The following UMAD1 variants were observed in gnomAD, a reference collection of about 807,000 sequenced individuals.
The protein encoded by UMAD1 is UBAP1-MVB12-associated (UMA)-domain containing protein 1.
In UMAD1, 8 loss-of-function variants were observed where a neutral mutation model predicts 6.1. The ratio of observed to expected loss-of-function variants is 1.30; its 90% CI spans 0.76 to 2.35. The LOEUF (loss-of-function observed/expected upper bound fraction) is 2.35, where lower values mean the gene tolerates loss of function less well. Ranked by LOEUF, UMAD1 falls within the 30% of genes most tolerant of loss-of-function variation. The pLI is 0.00. For synonymous variants in UMAD1, 56 were observed against 31.4 expected, an observed-to-expected ratio of 1.78 and a Z score of -2.61; for missense variants, 130 against 78.4, an observed-to-expected ratio of 1.66 and a Z score of -2.49.
chr7:7,658,615 A>G (rs1785401491), intron 1 of UMAD1, among the ~76,000 whole-genome samples: 1 of 152,124 alleles, frequency 6.6e-6, no homozygotes, highest in Non-Finnish European at 1.5e-5. Context: ...GATTACGTTT[A>G]TTGATTTGTG....
At chr7:7,766,273 C>G (rs1051966884) in intron 2 of UMAD1, among the ~76,000 whole-genome samples, 1 of 152,024 alleles carries the variant, frequency 6.6e-6, no homozygotes, top group South Asian at 2.1e-4. Flanking sequence ...CCAGGCATGC[C>G]CAATGACATG....
chr7:7,693,240 T>A (rs1484747694), intron 2 of UMAD1, among the ~76,000 whole-genome samples: 1 of 152,188 alleles, frequency 6.6e-6, no homozygotes, highest in Non-Finnish European at 1.5e-5. Flanking sequence ...GTTTCCAGTA[T>A]ACAATTCACC....
At chr7:7,734,912 T>G (rs1781321967) in intron 2 of UMAD1, among the ~76,000 whole-genome samples, 1 of 152,192 alleles carries the variant, frequency 6.6e-6, no homozygotes, top group Non-Finnish European at 1.5e-5. Context: ...CTAAGACTAC[T>G]ATACCAAAAA....
intron 3 of UMAD1, among the ~76,000 whole-genome samples, chr7:7,810,899 C>T (rs906845773): frequency 6.6e-6 from 1 of 152,202 alleles, no homozygotes; most frequent in Non-Finnish European, 1.5e-5. Flanking sequence ...CAGAGTACCA[C>T]ATCTGACCAC....
chr7:7,820,934 T>A (rs1375187776), intron 3 of UMAD1, among the ~76,000 whole-genome samples: 2 of 152,216 alleles, frequency 1.3e-5, no homozygotes, highest in African/African-American at 4.8e-5. Flanking sequence ...CTGAAACTCC[T>A]GAAGTTTGTT....
Position 7,699,778 on chromosome 7 carries a change from A to T in UMAD1, c.82+26325A>T, listed in dbSNP as rs115795683. Among the ~76,000 whole-genome samples the T allele has an allele frequency of 5.1e-3, 773 of 152,324 alleles. 8 individuals are homozygous for T. The highest frequency in any genetic ancestry group is 0.018 in the African/African-American group (734 of 41,574). ...TTAGTGCTCATATAATGCCTTACAC[A>T]TATTAAGTTTTTAGTAAATATTTGT... is the stretch of plus-strand genomic sequence containing the variant. On this transcript the variant is annotated intron_variant, in intron 2 of 3. Transcript: ENST00000682710.
intron 2 of UMAD1, among the ~76,000 whole-genome samples, chr7:7,780,452 G>A (rs1030624124): frequency 6.6e-6 from 1 of 152,108 alleles, no homozygotes; most frequent in Non-Finnish European, 1.5e-5. Context: ...TAATATTAGG[G>A]ACTTTCTTTT....
In UMAD1 at chr7:7,877,801, A is replaced by T. The variant is rs1474217969; in HGVS notation, c.*263A>T. On this transcript the variant is annotated 3_prime_UTR_variant, in exon 4 of 4. Coordinates refer to ENST00000682710, the MANE Select transcript of UMAD1 (RefSeq NM_001302348.2). ...TTTTAGGAAAGGACTCGATTCCTTC[A>T]GATGGTCTCTCAAAATATAACACCT... The T allele has an allele frequency of 2.4e-6, 1 of 409,004 alleles. No individual in the cohort carries two copies. The highest frequency in any genetic ancestry group is 4.4e-6 in the Non-Finnish European group (1 of 227,420). 25.3% of individuals were successfully genotyped at this position (409,004 alleles called of 1,614,324 possible). A position where few individuals can be genotyped will look rare whatever the true frequency, so the allele number is the denominator to read the frequency against.
chr7:7,654,264 A>T (rs1481829744), intron 1 of UMAD1, among the ~76,000 whole-genome samples: 4 of 152,212 alleles, frequency 2.6e-5, no homozygotes, highest in African/African-American at 9.7e-5. Flanking sequence ...GGAGAGTAAA[A>T]TTGTTTGACG....
intron 3 of UMAD1, among the ~76,000 whole-genome samples, chr7:7,809,874 T>C (rs764719591): frequency 6.6e-6 from 1 of 152,120 alleles, no homozygotes; most frequent in Non-Finnish European, 1.5e-5. Context: ...GTTGCTTTTA[T>C]TTCAGATAGT....
At chr7:7,783,416 A>C (rs532342246) in intron 2 of UMAD1, among the ~76,000 whole-genome samples, 7 of 152,018 alleles carry the variant, frequency 4.6e-5, no homozygotes, top group African/African-American at 1.7e-4. Context: ...TTTTTTCTAA[A>C]AGAGAAATTC....
At chr7:7,744,246 A>G (rs761637552) in intron 2 of UMAD1, among the ~76,000 whole-genome samples, 8 of 152,178 alleles carry the variant, frequency 5.3e-5, no homozygotes, top group Non-Finnish European at 1.5e-5. Context: ...AGCAGATATC[A>G]TTACTTCATT....
At chr7:7,661,515 T>G (rs1785473647) in intron 1 of UMAD1, among the ~76,000 whole-genome samples, 1 of 152,218 alleles carries the variant, frequency 6.6e-6, no homozygotes, top group African/African-American at 2.4e-5. Context: ...ATTTTGTTGA[T>G]GTTGATGCTC....
chr7:7,650,400 G>A (rs1042350403), intron 1 of UMAD1, among the ~76,000 whole-genome samples: 2 of 152,122 alleles, frequency 1.3e-5, no homozygotes, highest in African/African-American at 2.4e-5. Flanking sequence ...AGAATTCTAA[G>A]TGGATGGTTA....
intron 2 of UMAD1, among the ~76,000 whole-genome samples, chr7:7,747,165 T>C (rs1040391883): frequency 1.3e-5 from 2 of 152,180 alleles, no homozygotes; most frequent in East Asian, 3.8e-4. Flanking sequence ...TTTACCTAAA[T>C]AATAGGGAAG....
At chr7:7,727,199 T>C (rs1457102192) in intron 2 of UMAD1, among the ~76,000 whole-genome samples, 2 of 152,332 alleles carry the variant, frequency 1.3e-5, no homozygotes, top group Middle Eastern at 3.4e-3. Flanking sequence ...TCTCAATGAG[T>C]ATTTCTTCCT....
chr7:7,791,449 A>T (rs962002261), intron 2 of UMAD1, among the ~76,000 whole-genome samples: 13 of 152,284 alleles, frequency 8.5e-5, no homozygotes, highest in African/African-American at 2.6e-4. Context: ...AACAACACAA[A>T]ATCTTTCAAG....
chr7:7,816,666 C>G (rs62432853), intron 3 of UMAD1, among the ~76,000 whole-genome samples: 11,803 of 152,280 alleles, frequency 0.078, 612 homozygotes, highest in Non-Finnish European at 0.11. Context: ...GGAGGTGTAT[C>G]TTCTCAAGTC....
intron 3 of UMAD1, among the ~76,000 whole-genome samples, chr7:7,818,141 A>G (rs1051018833): frequency 2.0e-5 from 3 of 151,634 alleles, no homozygotes; most frequent in Non-Finnish European, 2.9e-5. Flanking sequence ...CCCTCCTCCC[A>G]CCTTCCACCC....
Sources: gnomAD v4.1 joint callset for allele counts (sites outside exome capture counted in the v4.1 genomes callset) on GRCh38, gnomAD v4.1.1 for gene constraint, MANE v1.5 for transcripts, NCBI Gene and HGNC (gene_info 2026-07-23, HGNC 2026-07-21) for gene names.